The following FOXP2 variants were observed in gnomAD, a reference collection of about 807,000 sequenced individuals.
FOXP2 encodes the protein forkhead box P2.
A neutral mutation model predicts 115.8 loss-of-function variants in FOXP2; 12 were observed. The ratio of observed to expected loss-of-function variants is 0.10; its 90% CI spans 0.07 to 0.17. The LOEUF is 0.17. Ranked by LOEUF, FOXP2 falls within the 10% of genes least tolerant of loss-of-function variation. FOXP2 has a pLI of 1.00. For missense variants in FOXP2, 629 were observed against 843.5 expected (o/e 0.75, Z 3.15); for synonymous variants, 328 against 297.7 (o/e 1.10, Z -1.05).
chr7:114,110,243 A>G (rs1472191661), intron 1 of FOXP2, among the ~76,000 whole-genome samples: 1 of 152,204 alleles, frequency 6.6e-6, no homozygotes, highest in African/African-American at 2.4e-5. Flanking sequence ...GCACTTATGC[A>G]CACACCTTTT....
At chr7:114,370,851 T>C (rs548571762) in intron 2 of FOXP2, among the ~76,000 whole-genome samples, 73 of 152,300 alleles carry the variant, frequency 4.8e-4, no homozygotes, top group Non-Finnish European at 2.6e-4. Flanking sequence ...GGTTTCTCAG[T>C]CAAAGAAATA....
At position 114,279,741 on chromosome 7, in the gene FOXP2, A is replaced by G. The variant is rs1584603424; in HGVS notation, c.-101-8278A>G. Among the ~76,000 whole-genome samples, 3 of 151,708 alleles carry G rather than the reference A, an allele frequency of 2.0e-5. No individual in the cohort carries two copies. In the East Asian group the frequency reaches 5.8e-4, roughly 29 times the overall value. ...ATTGTTTTGATGATCATAAATGCTT[A>G]TGTCTTAAACTTGTTATATTAGTTT... On this transcript the variant is annotated intron_variant, in intron 1 of 17. Transcript: ENST00000634411.
intron 2 of FOXP2, among the ~76,000 whole-genome samples, chr7:114,361,782 G>A (rs1791750004): frequency 6.6e-6 from 1 of 151,982 alleles, no homozygotes; most frequent in African/African-American, 2.4e-5. Flanking sequence ...CAAAGTAAAA[G>A]CCCACTCCAA....
intron 2 of FOXP2, among the ~76,000 whole-genome samples, chr7:114,339,252 T>A (rs181953661): frequency 6.6e-6 from 1 of 151,328 alleles, no homozygotes; most frequent in East Asian, 1.9e-4. Flanking sequence ...TGATTTTGTC[T>A]TAATAAAACT....
At chr7:114,546,903 A>T (rs1426508928) in intron 3 of FOXP2, among the ~76,000 whole-genome samples, 1 of 152,224 alleles carries the variant, frequency 6.6e-6, no homozygotes, top group Non-Finnish European at 1.5e-5. Context: ...GGTAGATGCT[A>T]AATAAAATTC....
intron 1 of FOXP2, among the ~76,000 whole-genome samples, chr7:114,172,231 T>C (rs1265479950): frequency 2.0e-5 from 3 of 152,200 alleles, no homozygotes; most frequent in African/African-American, 7.2e-5. Context: ...ACTTGCTTTA[T>C]TGTGATACTT....
chr7:114,634,751 T>G (rs1452308230), intron 6 of FOXP2, among the ~76,000 whole-genome samples: 1 of 152,070 alleles, frequency 6.6e-6, no homozygotes. Context: ...ATATATTATC[T>G]AGTAATGAAA....
At chr7:114,219,119 C>A (rs916873732) in intron 1 of FOXP2, among the ~76,000 whole-genome samples, 2 of 151,728 alleles carry the variant, frequency 1.3e-5, no homozygotes, top group Non-Finnish European at 2.9e-5. Context: ...TACTAGTTTT[C>A]GAAAAAGATT....
intron 16 of FOXP2, among the ~76,000 whole-genome samples, chr7:114,682,014 A>G (rs1298007238): frequency 1.3e-5 from 2 of 152,202 alleles, no homozygotes; most frequent in Admixed American, 1.3e-4. Flanking sequence ...GACTGTGTTC[A>G]GTGTTTATTG....
chr7:114,336,348 C>T (rs1269047809), intron 2 of FOXP2, among the ~76,000 whole-genome samples: 1 of 150,996 alleles, frequency 6.6e-6, no homozygotes, highest in Non-Finnish European at 1.5e-5. Context: ...TAACGACATC[C>T]CCAAAATCTT....
At position 114,562,637 on chromosome 7, in the gene FOXP2, A is replaced by T. The variant is rs145889582; in HGVS notation, c.258+27931A>T. On this transcript the variant is annotated intron_variant, in intron 3 of 16. Coordinates refer to ENST00000350908, the MANE Select transcript of FOXP2 (RefSeq NM_014491.4). ...TCCAGAACCTTGTCTTGTCAGCTGC[A>T]CGTCTTCATTCCTATGTCTTCAGTC... is the stretch of plus-strand genomic sequence containing the variant. 5.5e-3 allele frequency among the ~76,000 whole-genome samples: 839 copies of T among 152,266 alleles called. 16 individuals carry two copies. Among genetic ancestry groups the T allele is most frequent in the Admixed American group, 0.036 (553 of 15,288 alleles).
At chr7:114,508,180 T>G (rs573073363) in intron 2 of FOXP2, among the ~76,000 whole-genome samples, 1 of 152,120 alleles carries the variant, frequency 6.6e-6, no homozygotes, top group East Asian at 1.9e-4. Flanking sequence ...CACAACTTTT[T>G]TCTGCTTAGA....
At chr7:114,130,328 C>G (rs1050478441) in intron 1 of FOXP2, among the ~76,000 whole-genome samples, 2 of 152,094 alleles carry the variant, frequency 1.3e-5, no homozygotes, top group African/African-American at 4.8e-5. Context: ...AAAAATCTCA[C>G]TCTAGAACAT....
At chr7:114,204,214 T>C (rs1794145393) in intron 1 of FOXP2, among the ~76,000 whole-genome samples, 1 of 152,210 alleles carries the variant, frequency 6.6e-6, no homozygotes, top group Admixed American at 6.5e-5. Flanking sequence ...ATTTCAATGG[T>C]ACTTTTTATT....
At chr7:114,327,055 TA>T (rs1159360599) in intron 2 of FOXP2, among the ~76,000 whole-genome samples, 1 of 152,192 alleles carries the variant, frequency 6.6e-6, no homozygotes, top group Non-Finnish European at 1.5e-5. Flanking sequence ...TCACTTCCTC[TA>T]GGAAGCCTTC....
chr7:114,453,458 G>T (rs1795153258), intron 2 of FOXP2, among the ~76,000 whole-genome samples: 1 of 151,614 alleles, frequency 6.6e-6, no homozygotes, highest in African/African-American at 2.4e-5. Context: ...CCATCACATT[G>T]CCACCTTCTC....
At chr7:114,674,107 A>G (rs1807635557) in intron 16 of FOXP2, among the ~76,000 whole-genome samples, 1 of 152,226 alleles carries the variant, frequency 6.6e-6, no homozygotes, top group African/African-American at 2.4e-5. Context: ...ATGGAAATAC[A>G]TCTTAGAAGA....
chr7:114,620,914 TA>T (rs1268038637), intron 3 of FOXP2, among the ~76,000 whole-genome samples: 9 of 152,020 alleles, frequency 5.9e-5, no homozygotes, highest in African/African-American at 2.2e-4. Flanking sequence ...ATGACAGACC[TA>T]GGGGTATACT....
At chr7:114,580,477 C>CT (rs754391365) in intron 3 of FOXP2, among the ~76,000 whole-genome samples, 1 of 152,090 alleles carries the variant, frequency 6.6e-6, no homozygotes, top group Non-Finnish European at 1.5e-5. Context: ...ACTTGAGAGG[C>CT]TGAGACAGGA....
Sources: gnomAD v4.1 joint callset for allele counts (sites outside exome capture counted in the v4.1 genomes callset) on GRCh38, gnomAD v4.1.1 for gene constraint, MANE v1.5 for transcripts, NCBI Gene and HGNC (gene_info 2026-07-23, HGNC 2026-07-21) for gene names.